The following MRPL13 variants were observed in gnomAD, a reference collection of about 807,000 sequenced individuals.
MRPL13 encodes the protein large ribosomal subunit protein uL13m.
In MRPL13, 33 loss-of-function variants were observed where a neutral mutation model predicts 29.0. The ratio of observed to expected loss-of-function variants is 1.14; its 90% CI spans 0.86 to 1.52. The LOEUF is 1.52. Ranked by LOEUF, MRPL13 falls within the 40% of genes most tolerant of loss-of-function variation. The pLI is 0.00. For synonymous variants in MRPL13, 77 were observed against 68.4 expected (o/e 1.13, Z -0.62); for missense variants, 227 against 216.7 (o/e 1.05, Z -0.30).
chr8:120,399,743 G>C (rs1812568132), intron 6 of MRPL13, among the ~76,000 whole-genome samples: 1 of 152,028 alleles, frequency 6.6e-6, no homozygotes, highest in Middle Eastern at 3.2e-3. Context: ...GTCTTCAAGG[G>C]ACCCATCTCA....
intron 3 of MRPL13, among the ~76,000 whole-genome samples, chr8:120,428,490 A>T (rs1354964239): frequency 1.3e-5 from 2 of 152,224 alleles, no homozygotes; most frequent in Non-Finnish European, 2.9e-5. Context: ...ATAAATTGAC[A>T]GATGGGATGT....
intron 3 of MRPL13, among the ~76,000 whole-genome samples, chr8:120,431,224 T>C (rs1309772739): frequency 6.6e-6 from 1 of 152,142 alleles, no homozygotes; most frequent in Non-Finnish European, 1.5e-5. Flanking sequence ...ATAGTGATTT[T>C]GATCAAGAAT....
In MRPL13 at chr8:120,425,305, C is replaced by T; in HGVS notation, c.306+1G>A. 2 of 1,609,992 alleles carry T rather than the reference C, an allele frequency of 1.2e-6. No individual in the cohort carries two copies. The highest frequency in any genetic ancestry group is 2.7e-5 in the African/African-American group (2 of 74,936). On this transcript the variant is annotated splice_donor_variant, in intron 4 of 6. Coordinates refer to ENST00000306185, the MANE Select transcript of MRPL13 (RefSeq NM_014078.6). LOFTEE classifies it high-confidence loss of function. Reference sequence around the variant, plus strand: ...ATTAATAAAAAATACAAGAAACTTACTGCCACTGGATCCCTCAGGTGAAGC... The same window carrying T: ...ATTAATAAAAAATACAAGAAACTTATTGCCACTGGATCCCTCAGGTGAAGC...
chr8:120,398,376 T>A (rs1586915739), intron 6 of MRPL13, among the ~76,000 whole-genome samples: 2 of 151,846 alleles, frequency 1.3e-5, no homozygotes, highest in East Asian at 3.9e-4. Flanking sequence ...TCTGGAGCAA[T>A]CCCCCAGCAA....
intron 6 of MRPL13, among the ~76,000 whole-genome samples, chr8:120,408,054 G>A (rs1166436707): frequency 6.6e-6 from 1 of 152,214 alleles, no homozygotes; most frequent in African/African-American, 2.4e-5. Flanking sequence ...GCTATACTGA[G>A]AGGTAAAGTA....
chr8:120,425,632 C>A (rs1273328875), intron 3 of MRPL13, among the ~76,000 whole-genome samples: 1 of 152,028 alleles, frequency 6.6e-6, no homozygotes, highest in African/African-American at 2.4e-5. Flanking sequence ...GTTATTAATT[C>A]ACTCACTCAT....
intron 3 of MRPL13, among the ~76,000 whole-genome samples, chr8:120,428,619 T>C (rs1388709441): frequency 6.6e-6 from 1 of 151,872 alleles, no homozygotes; most frequent in Non-Finnish European, 1.5e-5. Flanking sequence ...TCCAGCATCA[T>C]AAGGAACTTA....
In MRPL13 at chr8:120,425,361, G is replaced by T. The variant is rs770269380; in HGVS notation, c.251C>A (p.Pro84Gln). Residue 84 changes from proline (P) to glutamine (Q), a missense_variant, in exon 4 of 7, where the codon CCA becomes CAA. Pro to Gln is a moderately conservative substitution (Grantham distance 76, BLOSUM62 -1). Transcript: ENST00000306185. ...QKVYSSHTGYPGGFRQVTAAQ... is the reference protein window; with the variant it reads ...QKVYSSHTGYQGGFRQVTAAQ... ...AGCTGTTACTTGTCTAAATCCACCTGGGTAGCTGTTAAAAGGAGAAAAGAC... is the reference window on the plus strand; with the variant it reads ...AGCTGTTACTTGTCTAAATCCACCTTGGTAGCTGTTAAAAGGAGAAAAGAC... 6.2e-7 allele frequency: 1 copy of T among 1,611,638 alleles called. No individual in the cohort carries two copies.
chr8:120,405,833 C>T (rs888254633), intron 6 of MRPL13, among the ~76,000 whole-genome samples: 2 of 152,146 alleles, frequency 1.3e-5, no homozygotes, highest in Admixed American at 6.6e-5. Context: ...GACCTAATCT[C>T]TTCACTAGAT....
intron 1 of MRPL13, 143 bp downstream of exon 1, chr8:120,444,925 C>G: frequency 1.0e-6 from 1 of 992,744 alleles, no homozygotes; most frequent in Non-Finnish European, 1.6e-6. Flanking sequence ...GACTGACGAC[C>G]CTCTTGTGCT....
chr8:120,438,866 G>A (rs183166146), intron 2 of MRPL13, among the ~76,000 whole-genome samples: 35 of 152,238 alleles, frequency 2.3e-4, no homozygotes, highest in African/African-American at 8.2e-4. Context: ...AAAGTCCTAA[G>A]GAATTAAACA....
At chr8:120,436,186 T>C (rs1272891089) in intron 2 of MRPL13, among the ~76,000 whole-genome samples, 1 of 152,102 alleles carries the variant, frequency 6.6e-6, no homozygotes, top group Non-Finnish European at 1.5e-5. Context: ...TTCTCTGGGA[T>C]AATGTCCAAG....
At chr8:120,425,759 G>A (rs1225967913) in intron 3 of MRPL13, among the ~76,000 whole-genome samples, 1 of 152,164 alleles carries the variant, frequency 6.6e-6, no homozygotes, top group Non-Finnish European at 1.5e-5. Flanking sequence ...TGGGGAAAAT[G>A]TTGGTAGTCC....
At chr8:120,432,910 ACAAAC>A (rs1450424766) in intron 2 of MRPL13, among the ~76,000 whole-genome samples, 2 of 152,124 alleles carry the variant, frequency 1.3e-5, no homozygotes, top group Non-Finnish European at 2.9e-5. Context: ...AATAGAAAAA[ACAAAC>A]CAAGATATTC....
chr8:120,440,517 A>G (rs1165511369), intron 2 of MRPL13, among the ~76,000 whole-genome samples: 1 of 151,956 alleles, frequency 6.6e-6, no homozygotes, highest in Non-Finnish European at 1.5e-5. Context: ...AAGCAGGAGA[A>G]ATGCTTGAAC....
At chr8:120,441,678 T>C (rs1342499791) in intron 2 of MRPL13, among the ~76,000 whole-genome samples, 5 of 152,128 alleles carry the variant, frequency 3.3e-5, no homozygotes, top group African/African-American at 1.2e-4. Flanking sequence ...GCATCCTGGT[T>C]CAAAAAAATA....
chr8:120,434,880 C>A (rs368726015), intron 2 of MRPL13, among the ~76,000 whole-genome samples: 1 of 152,102 alleles, frequency 6.6e-6, no homozygotes, highest in East Asian at 1.9e-4. Context: ...CTACTTTGTT[C>A]TAGCATTTGT....
At chr8:120,439,367 A>AGCT (rs1813090761) in intron 2 of MRPL13, among the ~76,000 whole-genome samples, 1 of 152,184 alleles carries the variant, frequency 6.6e-6, no homozygotes, top group Non-Finnish European at 1.5e-5. Context: ...TAGAGATAAT[A>AGCT]TGTGTGTTAG....
intron 3 of MRPL13, among the ~76,000 whole-genome samples, chr8:120,426,679 A>G (rs763235589): frequency 6.6e-6 from 1 of 152,168 alleles, no homozygotes; most frequent in African/African-American, 2.4e-5. Context: ...GCAACACTCA[A>G]TTGATTTTTA....
Sources: allele counts gnomAD v4.1 joint callset (sites outside exome capture counted in the v4.1 genomes callset), GRCh38; gene constraint gnomAD v4.1.1; transcripts MANE v1.5; gene names NCBI Gene and HGNC (gene_info 2026-07-23, HGNC 2026-07-21).